Variants in BCL2 observed in about 807,000 individuals in gnomAD.
The protein encoded by BCL2 is BCL2 apoptosis regulator.
In BCL2, 1 loss-of-function variant was observed where a neutral mutation model predicts 14.2. The observed-to-expected ratio is 0.07, with a 90% confidence interval of 0.02 to 0.33. The LOEUF is 0.33. BCL2 is among the 10% of genes least tolerant of loss of function. The probability of loss-of-function intolerance (pLI) is 0.99; values close to 1 mark genes in which losing one functional copy is unlikely to be tolerated. For synonymous variants in BCL2, 151 were observed against 137.2 expected, an observed-to-expected ratio of 1.10 and a Z score of -0.70; for missense variants, 247 against 305.9, an observed-to-expected ratio of 0.81 and a Z score of 1.44.
intron 2 of BCL2, among the ~76,000 whole-genome samples, chr18:63,131,386 G>GTA (rs1275521243): frequency 1.3e-5 from 2 of 152,170 alleles, no homozygotes; most frequent in African/African-American, 4.8e-5. Flanking sequence ...GGCAATAGAC[G>GTA]TACATAAAAT....
At chr18:63,183,720 G>A (rs931428992) in intron 2 of BCL2, among the ~76,000 whole-genome samples, 2 of 152,212 alleles carry the variant, frequency 1.3e-5, no homozygotes, top group African/African-American at 4.8e-5. Flanking sequence ...TGGGGCGGGG[G>A]CGGGGGGCTT....
chr18:63,186,792 T>C (rs923853851), intron 2 of BCL2, among the ~76,000 whole-genome samples: 4 of 152,230 alleles, frequency 2.6e-5, no homozygotes, highest in African/African-American at 9.6e-5. Flanking sequence ...GTATATAAAC[T>C]GTAAACCCAA....
intron 2 of BCL2, among the ~76,000 whole-genome samples, chr18:63,306,636 C>G (rs1913144165): frequency 6.6e-6 from 1 of 152,174 alleles, no homozygotes; most frequent in South Asian, 2.1e-4. Context: ...AGGCTTCAGT[C>G]CCCTTCCTGG....
chr18:63,309,246 C>T (rs1047044817), intron 2 of BCL2, among the ~76,000 whole-genome samples: 1 of 152,126 alleles, frequency 6.6e-6, no homozygotes, highest in African/African-American at 2.4e-5. Context: ...TGAAAGAAGG[C>T]AAAAGAGAAA....
chr18:63,137,219 A>G (rs1457456703), intron 2 of BCL2, among the ~76,000 whole-genome samples: 1 of 152,142 alleles, frequency 6.6e-6, no homozygotes, highest in Admixed American at 6.5e-5. Context: ...CAGCTCAATC[A>G]TTTTCTGCAA....
chr18:63,250,165 C>A (rs1162928144), intron 2 of BCL2, among the ~76,000 whole-genome samples: 3 of 152,202 alleles, frequency 2.0e-5, no homozygotes, highest in Non-Finnish European at 2.9e-5. Flanking sequence ...CACACTGAAT[C>A]ACATAGTAAA....
intron 2 of BCL2, among the ~76,000 whole-genome samples, chr18:63,220,466 CAGAGAA>C (rs1910359396): frequency 6.6e-6 from 1 of 152,176 alleles, no homozygotes; most frequent in Non-Finnish European, 1.5e-5. Flanking sequence ...TACCAGGGAG[CAGAGAA>C]ATGGGGCAGA....
chr18:63,211,995 A>G (rs1309556081), intron 2 of BCL2, among the ~76,000 whole-genome samples: 2 of 152,232 alleles, frequency 1.3e-5, no homozygotes, highest in Non-Finnish European at 2.9e-5. Context: ...ATGGTAGCAT[A>G]TGACATTTTT....
intron 2 of BCL2, among the ~76,000 whole-genome samples, chr18:63,176,338 G>A (rs774513331): frequency 6.6e-6 from 1 of 152,226 alleles, no homozygotes; most frequent in Non-Finnish European, 1.5e-5. Flanking sequence ...CAGCCTAGGA[G>A]GCCAATGTGG....
intron 2 of BCL2, among the ~76,000 whole-genome samples, chr18:63,224,361 G>A (rs1291954053): frequency 6.6e-6 from 1 of 152,186 alleles, no homozygotes; most frequent in Non-Finnish European, 1.5e-5. Context: ...CAGTCATCGT[G>A]AAATTTAGAA....
intron 2 of BCL2, among the ~76,000 whole-genome samples, chr18:63,271,872 G>T (rs1381968454): frequency 1.3e-5 from 2 of 152,208 alleles, no homozygotes; most frequent in African/African-American, 4.8e-5. Flanking sequence ...ACAGGAGGCA[G>T]AGAAGGGGGC....
At chr18:63,284,290 A>G (rs914554421) in intron 2 of BCL2, among the ~76,000 whole-genome samples, 5 of 152,210 alleles carry the variant, frequency 3.3e-5, no homozygotes, top group African/African-American at 1.2e-4. Flanking sequence ...CTGGGAGCGC[A>G]TCATCAACCA....
chr18:63,186,885 G>A (rs1201151122), intron 2 of BCL2, among the ~76,000 whole-genome samples: 3 of 152,184 alleles, frequency 2.0e-5, no homozygotes, highest in Admixed American at 6.5e-5. Context: ...AATGAAGAAA[G>A]AATTGTCATT....
chr18:63,296,749 C>T (rs1421651017), intron 2 of BCL2, among the ~76,000 whole-genome samples: 2 of 152,174 alleles, frequency 1.3e-5, no homozygotes, highest in Non-Finnish European at 2.9e-5. Flanking sequence ...GCCACAAGAA[C>T]ATGAATATGA....
chr18:63,216,447 T>G (rs1416373343), intron 2 of BCL2, among the ~76,000 whole-genome samples: 4 of 150,458 alleles, frequency 2.7e-5, no homozygotes, highest in Non-Finnish European at 5.9e-5. Context: ...TAGGAAGAAC[T>G]GCTAAGGCTC....
rs1491465885 is a variant in BCL2 at position 63,266,637 on chromosome 18, T to TCTCTCTCTCACACA, written c.585+51444_585+51445insTGTGTGAGAGAGAG. Among the ~76,000 whole-genome samples the TCTCTCTCTCACACA allele has an allele frequency of 3.0e-4, 26 of 86,010 alleles. No homozygotes were observed. The East Asian group carries it at 5.3e-3, about 17-fold the overall frequency. 56.4% of individuals were successfully genotyped at this position (86,010 alleles called of 152,430 possible). On this transcript the variant is annotated intron_variant, in intron 2 of 2. Coordinates refer to ENST00000333681, the MANE Select transcript of BCL2 (RefSeq NM_000633.3). The stretch of plus-strand genomic sequence containing the variant: ...CTCTCTCTCTCTCTCTCTCTCTCTC[T>TCTCTCTCTCACACA]CACACACACACACACACACAAAAAT...
Position 63,318,560 on chromosome 18 carries a change from C to A in BCL2, c.107G>T (p.Gly36Val). 2.5e-6 allele frequency: 4 copies of A among 1,592,242 alleles called. No homozygotes were observed. In the Admixed American group the frequency reaches 5.2e-5, roughly 21 times the overall value. ...GGGGGCGGCCCCCGGGGGCGCGGCG[C>A]CCACATCTCCCGCATCCCACTCGTA... ...RGYEWDAGDV[G>V]AAPPGAAPAP... Residue 36 changes from glycine to valine, a missense_variant, in exon 2 of 3, where the codon GGC becomes GTC. By Grantham distance (109) the Gly-to-Val change is moderately radical (BLOSUM62 -3). Transcript: ENST00000333681. The surrounding 1 kb of genome is among the most constrained non-coding windows in gnomAD (Gnocchi z 7.4).
chr18:63,140,195 G>C (rs975637914), intron 2 of BCL2, among the ~76,000 whole-genome samples: 1 of 152,196 alleles, frequency 6.6e-6, no homozygotes, highest in Non-Finnish European at 1.5e-5. Context: ...GCACATGACT[G>C]GTGGGAATGT....
intron 2 of BCL2, among the ~76,000 whole-genome samples, chr18:63,220,263 AAG>A (rs1428931077): frequency 6.6e-6 from 1 of 151,928 alleles, no homozygotes; most frequent in Non-Finnish European, 1.5e-5. Flanking sequence ...TCTAGAACAT[AAG>A]TTGACCGTCT....
Sources: gnomAD v4.1 joint callset for allele counts (sites outside exome capture counted in the v4.1 genomes callset) on GRCh38, gnomAD v4.1.1 for gene constraint, Gnocchi (gnomAD v3.1) non-coding constraint, MANE v1.5 for transcripts, NCBI Gene and HGNC (gene_info 2026-07-23, HGNC 2026-07-21) for gene names.